Variants in SAMD5 observed in about 807,000 individuals in gnomAD.
SAMD5 encodes sterile alpha motif domain containing 5, also known as sterile alpha motif domain-containing protein 5.
Under a neutral mutation model 11.3 loss-of-function variants are expected in SAMD5, and 13 were observed. The observed-to-expected ratio is 1.15, with a 90% CI of 0.75 to 1.83. The LOEUF (loss-of-function observed/expected upper bound fraction) is 1.83. SAMD5 is among the 40% of genes most tolerant of loss of function. The probability of loss-of-function intolerance (pLI) is 0.00; values close to 1 mark genes in which losing one functional copy is unlikely to be tolerated. For missense variants in SAMD5, 255 were observed against 239.1 expected (o/e 1.07, Z -0.44); for synonymous variants, 129 against 111.3 (o/e 1.16, Z -1.00).
intron 1 of SAMD5, among the ~76,000 whole-genome samples, chr6:147,578,516 G>T (rs986663453): frequency 2.6e-5 from 4 of 152,080 alleles, no homozygotes; most frequent in African/African-American, 9.7e-5. Context: ...TTTATAATAA[G>T]GGATGAATTT....
chr6:147,609,945 A>AT (rs1299560130), intron 1 of SAMD5, among the ~76,000 whole-genome samples: 7 of 152,124 alleles, frequency 4.6e-5, no homozygotes, highest in African/African-American at 1.7e-4. Flanking sequence ...CCTGGATTTA[A>AT]TTTTTTTTAA....
intron 1 of SAMD5, among the ~76,000 whole-genome samples, chr6:147,562,550 T>C (rs1042971172): frequency 1.3e-5 from 2 of 152,174 alleles, no homozygotes; most frequent in Admixed American, 1.3e-4. Context: ...TGGCCGGGTG[T>C]GGTGGCTCAC....
the SAMD5 span, among the ~76,000 whole-genome samples, chr6:147,851,399 AC>A: frequency 6.6e-6 from 1 of 152,206 alleles, no homozygotes; most frequent in Non-Finnish European, 1.5e-5. Context: ...CAGTCTTAGA[AC>A]ATACCCCCCT....
intron 1 of SAMD5, among the ~76,000 whole-genome samples, chr6:147,707,261 CA>C: frequency 6.6e-6 from 1 of 152,250 alleles, no homozygotes; most frequent in Non-Finnish European, 1.5e-5. Context: ...AATATAGAAC[CA>C]AACTTTCAGA....
chr6:147,625,864 C>T (rs1258290032), intron 1 of SAMD5, among the ~76,000 whole-genome samples: 4 of 152,168 alleles, frequency 2.6e-5, no homozygotes, highest in Non-Finnish European at 5.9e-5. Flanking sequence ...TCCAGTCCCA[C>T]CCTTGCTAAA....
chr6:147,756,814 T>G, the SAMD5 span, among the ~76,000 whole-genome samples: 1 of 152,220 alleles, frequency 6.6e-6, no homozygotes, highest in Non-Finnish European at 1.5e-5. Flanking sequence ...TGAATGAATC[T>G]CAGAGACTGA....
At chr6:147,915,148 T>C in the SAMD5 span, among the ~76,000 whole-genome samples, 2 of 152,202 alleles carry the variant, frequency 1.3e-5, no homozygotes, top group African/African-American at 4.8e-5. Flanking sequence ...ATTGTGTCAA[T>C]GTTAAATACA....
chr6:147,766,727 G>C, the SAMD5 span, among the ~76,000 whole-genome samples: 19 of 152,078 alleles, frequency 1.2e-4, no homozygotes, highest in Admixed American at 1.3e-4. Context: ...TGAAATCAAG[G>C]TCCTGACAGA....
the SAMD5 span, among the ~76,000 whole-genome samples, chr6:147,856,827 G>GC: frequency 2.0e-5 from 3 of 147,232 alleles, no homozygotes; most frequent in Admixed American, 6.8e-5. Flanking sequence ...GGCGCGGGGG[G>GC]GGGGGGAAGC....
intron 1 of SAMD5, among the ~76,000 whole-genome samples, chr6:147,620,787 G>T (rs1263718235): frequency 2.0e-5 from 3 of 152,150 alleles, no homozygotes; most frequent in African/African-American, 4.8e-5. Context: ...TGTCCTATGT[G>T]TGTCCCCAAG....
At chr6:147,909,626 TTCTTTC>T in the SAMD5 span, among the ~76,000 whole-genome samples, 4,463 of 59,210 alleles carry the variant, frequency 0.075, 538 homozygotes, top group African/African-American at 0.13. Context: ...CTTTCTTTCT[TTCTTTC>T]TCTTTCTTGT....
chr6:147,717,708 G>C (rs540528975), intron 1 of SAMD5, among the ~76,000 whole-genome samples: 1 of 152,282 alleles, frequency 6.6e-6, no homozygotes, highest in South Asian at 2.1e-4. Context: ...AACTACAGGT[G>C]GTGGGCACCT....
the SAMD5 span, among the ~76,000 whole-genome samples, chr6:147,776,769 T>A: frequency 6.6e-6 from 1 of 152,074 alleles, no homozygotes; most frequent in Non-Finnish European, 1.5e-5. Context: ...GAACAAACAG[T>A]TTTTCAGAGG....
At chr6:147,881,636 A>G in the SAMD5 span, among the ~76,000 whole-genome samples, 5 of 152,190 alleles carry the variant, frequency 3.3e-5, no homozygotes, top group African/African-American at 7.2e-5. Flanking sequence ...ACAACAGCAC[A>G]CAATAGCTGC....
chr6:147,735,479 T>C (rs886468734), intron 1 of SAMD5, among the ~76,000 whole-genome samples: 6 of 152,170 alleles, frequency 3.9e-5, no homozygotes, highest in Non-Finnish European at 7.4e-5. Flanking sequence ...AACTGTGACC[T>C]CTCAGCTTCA....
chr6:147,857,328 C>T, the SAMD5 span, among the ~76,000 whole-genome samples: 1 of 148,126 alleles, frequency 6.8e-6, no homozygotes, highest in Admixed American at 6.7e-5. Flanking sequence ...CAAAGTGAGG[C>T]CCCTGTCTGT....
At chr6:147,776,836 C>G in the SAMD5 span, among the ~76,000 whole-genome samples, 1 of 152,212 alleles carries the variant, frequency 6.6e-6, no homozygotes, top group Non-Finnish European at 1.5e-5. Context: ...GTAATGGTCT[C>G]TCCCAGCGGG....
At chr6:147,785,725 G>A in the SAMD5 span, among the ~76,000 whole-genome samples, 1 of 152,178 alleles carries the variant, frequency 6.6e-6, no homozygotes, top group African/African-American at 2.4e-5. Flanking sequence ...GGGACAAAAA[G>A]TATAAATGCT....
intron 1 of SAMD5, among the ~76,000 whole-genome samples, chr6:147,583,150 A>G (rs1789323027): frequency 6.6e-6 from 1 of 152,378 alleles, no homozygotes. Context: ...CATTCTGTGA[A>G]TATCTCTCTA....
Sources: gnomAD v4.1 joint callset for allele counts (sites outside exome capture counted in the v4.1 genomes callset) on GRCh38, gnomAD v4.1.1 for gene constraint, MANE v1.5 for transcripts, NCBI Gene and HGNC (gene_info 2026-07-23, HGNC 2026-07-21) for gene names.